SLC9A9: variants seen among roughly 807,000 people sequenced by gnomAD.
SLC9A9 encodes sodium/hydrogen exchanger 9.
In SLC9A9, 62 loss-of-function variants were observed where a neutral mutation model predicts 77.8. That is an observed-to-expected ratio of 0.80 (90% CI 0.65 to 0.98). The LOEUF is 0.98. Among genes scored for constraint, SLC9A9 ranks in the 50% least tolerant of loss-of-function variants. The pLI is 0.00. For synonymous variants in SLC9A9, 320 were observed against 283.5 expected (o/e 1.13, Z -1.29); for missense variants, 775 against 774.9 (o/e 1.00, Z 0.00).
chr3:143,269,331 A>T (rs1245838490), intron 14 of SLC9A9, among the ~76,000 whole-genome samples: 1 of 152,212 alleles, frequency 6.6e-6, no homozygotes, highest in African/African-American at 2.4e-5. Context: ...TTTTCTTAAA[A>T]CTGTACACAC....
At chr3:143,618,295 A>G (rs2038141559) in intron 6 of SLC9A9, among the ~76,000 whole-genome samples, 1 of 152,150 alleles carries the variant, frequency 6.6e-6, no homozygotes, top group Non-Finnish European at 1.5e-5. Context: ...ATACATTGGG[A>G]GCTTTGGAGA....
chr3:143,484,726 G>C (rs1320690146), intron 11 of SLC9A9, among the ~76,000 whole-genome samples: 1 of 152,174 alleles, frequency 6.6e-6, no homozygotes. Context: ...TGACTTTGAA[G>C]GTAAATCTGA....
intron 4 of SLC9A9, among the ~76,000 whole-genome samples, chr3:143,711,339 CCAAT>C (rs919082766): frequency 5.3e-4 from 81 of 151,994 alleles, no homozygotes; most frequent in Non-Finnish European, 2.1e-4. Context: ...GTTTTACTCA[CCAAT>C]CAAATATAGG....
At chr3:143,676,099 T>G (rs921715809) in intron 5 of SLC9A9, among the ~76,000 whole-genome samples, 1 of 152,158 alleles carries the variant, frequency 6.6e-6, no homozygotes, top group South Asian at 2.1e-4. Context: ...ATCCCTCGCA[T>G]GCGCAGTTCA....
chr3:143,721,928 T>G (rs1934508824), intron 4 of SLC9A9, among the ~76,000 whole-genome samples: 1 of 152,086 alleles, frequency 6.6e-6, no homozygotes. Context: ...AAACAGAAGG[T>G]GTTTACATTT....
chr3:143,841,781 A>AGG (rs1269448300), intron 1 of SLC9A9, among the ~76,000 whole-genome samples: 4 of 1,844 alleles, frequency 2.2e-3, no homozygotes, highest in African/African-American at 2.8e-3. Context: ...TTTTTGATAC[A>AGG]GTCTTCCCGT....
chr3:143,290,600 AT>A (rs2029910641), intron 14 of SLC9A9, among the ~76,000 whole-genome samples: 2 of 152,196 alleles, frequency 1.3e-5, no homozygotes, highest in Non-Finnish European at 2.9e-5. Context: ...GATACATCAG[AT>A]TGCCTTGCTA....
At chr3:143,693,599 A>T (rs1036074603) in intron 4 of SLC9A9, among the ~76,000 whole-genome samples, 1 of 152,196 alleles carries the variant, frequency 6.6e-6, no homozygotes, top group Non-Finnish European at 1.5e-5. Context: ...AATCTGTCAA[A>T]TGTGGCACAG....
chr3:143,574,280 A>G (rs150457362), intron 7 of SLC9A9, 87 bp from the exon 8 acceptor site: 148 of 1,062,004 alleles, frequency 1.4e-4, no homozygotes, highest in Middle Eastern at 6.0e-4. Flanking sequence ...TCTGGTGATG[A>G]TAGCTCTAGA....
intron 12 of SLC9A9, among the ~76,000 whole-genome samples, chr3:143,422,398 C>A (rs1330670926): frequency 2.6e-5 from 4 of 152,196 alleles, no homozygotes; most frequent in Non-Finnish European, 4.4e-5. Context: ...TACATATACA[C>A]TATAGAATAT....
intron 11 of SLC9A9, among the ~76,000 whole-genome samples, chr3:143,487,150 AT>A (rs36048477): frequency 0.22 from 33,221 of 151,900 alleles, 4,763 homozygotes; most frequent in Non-Finnish European, 0.32. Flanking sequence ...GACAAAATAG[AT>A]TTTAAGTTAA....
chr3:143,633,229 T>G (rs1176811856), intron 6 of SLC9A9, among the ~76,000 whole-genome samples: 4 of 152,214 alleles, frequency 2.6e-5, no homozygotes, highest in Non-Finnish European at 5.9e-5. Flanking sequence ...AGGGAGATAA[T>G]TTCATTCCAA....
At chr3:143,531,378 G>A (rs544283102) in intron 9 of SLC9A9, among the ~76,000 whole-genome samples, 1 of 152,294 alleles carries the variant, frequency 6.6e-6, no homozygotes, top group Admixed American at 6.5e-5. Context: ...GTTCATCTCA[G>A]AACAGTGGTA....
At chr3:143,686,723 G>A (rs757120930) in intron 5 of SLC9A9, among the ~76,000 whole-genome samples, 4 of 152,032 alleles carry the variant, frequency 2.6e-5, no homozygotes, top group Admixed American at 1.3e-4. Flanking sequence ...TTTACCAAAC[G>A]AGACCCCAAG....
At chr3:143,349,019 G>A (rs1178829327) in intron 14 of SLC9A9, among the ~76,000 whole-genome samples, 2 of 152,196 alleles carry the variant, frequency 1.3e-5, no homozygotes, top group African/African-American at 4.8e-5. Flanking sequence ...AGAATCCCCT[G>A]ATCTTGGGGC....
chr3:143,770,812 G>A (rs149302055), intron 4 of SLC9A9, among the ~76,000 whole-genome samples: 111 of 152,156 alleles, frequency 7.3e-4, no homozygotes, highest in African/African-American at 2.6e-3. Context: ...ACTCATAGAC[G>A]TAAGATGAGC....
chr3:143,348,685 T>G (rs142313957), intron 14 of SLC9A9, among the ~76,000 whole-genome samples: 90 of 152,332 alleles, frequency 5.9e-4, no homozygotes, highest in African/African-American at 2.0e-3. Flanking sequence ...TTGTGCAATA[T>G]AGTTTTGGTT....
At chr3:143,818,222 T>A (rs981239950) in intron 2 of SLC9A9, among the ~76,000 whole-genome samples, 4 of 152,352 alleles carry the variant, frequency 2.6e-5, no homozygotes, top group South Asian at 2.1e-4. Context: ...ATATATTTTT[T>A]AAATTATCTT....
rs1435932692 is a variant in SLC9A9, at chr3:143,266,629, C to T, written c.*73G>A. 13 of 1,472,626 alleles carry T rather than the reference C, an allele frequency of 8.8e-6. No individual in the cohort carries two copies. Among genetic ancestry groups the T allele is most frequent in the Non-Finnish European group, 1.2e-5 (13 of 1,055,734 alleles). 91.2% of individuals were successfully genotyped at this position (1,472,626 alleles called of 1,614,324 possible). A position where few individuals can be genotyped will look rare whatever the true frequency, so the allele number is the denominator to read the frequency against. On this transcript the variant is annotated 3_prime_UTR_variant, in exon 16 of 16. Transcript: ENST00000316549. The stretch of plus-strand genomic sequence containing the variant: ...GTTTTCCAGCCTCTCCCCTGTACTG[C>T]CTCATCAGCTTGGCTTGTATTCCTC...
Sources: gnomAD v4.1 joint callset for allele counts (sites outside exome capture counted in the v4.1 genomes callset) on GRCh38, gnomAD v4.1.1 for gene constraint, MANE v1.5 for transcripts, NCBI Gene and HGNC (gene_info 2026-07-23, HGNC 2026-07-21) for gene names.